Variants in PHAX observed in about 807,000 individuals in gnomAD.
The protein encoded by PHAX is phosphorylated adaptor for RNA export.
Under a neutral mutation model 41.6 loss-of-function variants are expected in PHAX, and 31 were observed. That is an observed-to-expected ratio of 0.75 (90% CI 0.56 to 1.01). The LOEUF (loss-of-function observed/expected upper bound fraction) is 1.01. Ranked by LOEUF, PHAX falls within the 50% of genes least tolerant of loss-of-function variation. The pLI is 0.00. For synonymous variants in PHAX, 175 were observed against 164.9 expected (o/e 1.06, Z -0.47); for missense variants, 453 against 472.9 (o/e 0.96, Z 0.39).
At position 126,625,951 on chromosome 5, in the gene PHAX, T is replaced by A. The variant is rs1235991884; in HGVS notation, c.*1107T>A. On this transcript the variant is annotated 3_prime_UTR_variant, in exon 5 of 5. Transcript: ENST00000297540. The stretch of plus-strand genomic sequence containing the variant: ...GCCTAATGATCTGCCCACCTCTGCC[T>A]CCCAAAGTGCTGGGATCACAGGCAT... The A allele has an allele frequency of 1.3e-5, 2 of 152,186 alleles. No homozygotes were observed. The highest frequency in any genetic ancestry group is 2.9e-5 in the Non-Finnish European group (2 of 68,060). 9.4% of individuals were successfully genotyped at this position (152,186 alleles called of 1,614,324 possible). A position where few individuals can be genotyped will look rare whatever the true frequency, so the allele number is the denominator to read the frequency against.
At chr5:126,614,788 G>A (rs902576997) in intron 3 of PHAX, among the ~76,000 whole-genome samples, 4 of 151,820 alleles carry the variant, frequency 2.6e-5, no homozygotes, top group East Asian at 1.9e-4. Flanking sequence ...ATGGAGTCTC[G>A]CTCTGTCACC....
At position 126,603,943 on chromosome 5, in the gene PHAX, C is replaced by T. The variant is rs770584349; in HGVS notation, c.470C>T (p.Ala157Val). 5 of 1,613,722 alleles carry T rather than the reference C, an allele frequency of 3.1e-6. No individual in the cohort carries two copies. The African/African-American group carries it at 5.3e-5, about 17-fold the overall frequency. ...TCCGAGACCTACAATTATTTGCTTG[C>T]CAAGAAACTTAGGAAGGAATCTCAA... Reference protein sequence around the residue: ...RQSETYNYLLAKKLRKESQEH... With the variant: ...RQSETYNYLLVKKLRKESQEH... The change falls in exon 2 of 5, where the codon GCC (alanine) becomes GTC (valine). Residue 157 changes from alanine (A) to valine (V), a missense_variant. Physicochemically the swap from Ala to Val is moderately conservative, Grantham distance 64 (BLOSUM62 0). Coordinates refer to ENST00000297540, the MANE Select transcript of PHAX (RefSeq NM_032177.4).
At chr5:126,601,166 C>G (rs1751891789) in intron 1 of PHAX, 108 bp downstream of exon 1, 1 of 763,906 alleles carries the variant, frequency 1.3e-6, no homozygotes, top group Admixed American at 2.8e-5. Flanking sequence ...GGAGCCCGGG[C>G]CAGAGCGAGG....
At chr5:126,618,627 T>A (rs1332170514) in intron 4 of PHAX, among the ~76,000 whole-genome samples, 2 of 150,590 alleles carry the variant, frequency 1.3e-5, no homozygotes, top group African/African-American at 2.4e-5. Context: ...TTAATTAAAT[T>A]TTTTTTTTTA....
Position 126,612,650 on chromosome 5 carries a change from G to A in PHAX, c.831+4166G>A, listed in dbSNP as rs1581419416. Among the ~76,000 whole-genome samples the A allele has an allele frequency of 2.6e-5, 4 of 152,058 alleles. No individual in the cohort carries two copies. In the East Asian group the frequency reaches 7.7e-4, roughly 29 times the overall value. The stretch of plus-strand genomic sequence containing the variant: ...CGGGAGGTGGAGGTTGCCATGAGCC[G>A]GGATTGCGCCATTGGACTCCAGCCT... On this transcript the variant is annotated intron_variant, in intron 3 of 4. Transcript: ENST00000297540.
rs34180949 is a variant in PHAX at position 126,621,389 on chromosome 5, T to G, written c.916-3186T>G. 4.9e-3 allele frequency among the ~76,000 whole-genome samples: 750 copies of G among 152,106 alleles called. 5 individuals carry two copies. The highest frequency in any genetic ancestry group is 0.017 in the African/African-American group (706 of 41,488). ...AATATTTTGTAGAGACAGGGTCTTA[T>G]ATTGCCCAGTCTAGTCTCAAACTCC... On this transcript the variant is annotated intron_variant, in intron 4 of 4. Coordinates refer to ENST00000297540, the MANE Select transcript of PHAX (RefSeq NM_032177.4).
intron 1 of PHAX, among the ~76,000 whole-genome samples, chr5:126,601,490 G>A (rs1192424149): frequency 6.6e-6 from 1 of 152,192 alleles, no homozygotes; most frequent in African/African-American, 2.4e-5. Flanking sequence ...CAAATATGTA[G>A]CATCTAGGGA....
intron 4 of PHAX, among the ~76,000 whole-genome samples, chr5:126,623,494 A>C (rs1057473618): frequency 6.6e-6 from 1 of 152,188 alleles, no homozygotes; most frequent in African/African-American, 2.4e-5. Flanking sequence ...AAAAGTACTC[A>C]CTTGATAACT....
chr5:126,603,894 G>A lies in PHAX; in HGVS notation c.421G>A (p.Gly141Ser). The change falls in exon 2 of 5, where the codon GGC becomes AGC. Residue 141 changes from glycine to serine, a missense_variant. Coordinates refer to ENST00000297540, the MANE Select transcript of PHAX (RefSeq NM_032177.4). ...TGAACTTGGTATCTTGGGAATGGAG[G>A]GCACTATTGACAGAAGCAGACAATC... ...ATELGILGME[G>S]TIDRSRQSET... 3 of 1,613,916 alleles carry A rather than the reference G, an allele frequency of 1.9e-6. No homozygotes were observed. The highest frequency in any genetic ancestry group is 2.5e-6 in the Non-Finnish European group (3 of 1,179,978).
rs772458637 is a variant in PHAX at position 126,604,073 on chromosome 5, A to G, written c.600A>G (p.Lys200=). The G allele has an allele frequency of 5.0e-6, 8 of 1,613,798 alleles. No homozygotes were observed. The Admixed American group carries it at 1.2e-4, about 24-fold the overall frequency. The change falls in exon 2 of 5, where the codon AAA becomes AAG. Residue 200 remains lysine, a synonymous_variant. Transcript: ENST00000297540. ...ATGGGCAAGGTCATCTCAAAAGGAA[A>G]CGACCTGTCAAAGACAGGCTAGGGA... ...EENGQGHLKR[K]RPVKDRLGNR...
chr5:126,624,688 T>C lies in PHAX; in HGVS notation c.1029T>C (p.Phe343=), dbSNP rs747784165. The part of the protein sequence containing the change: ...KMKQAIKSLN[F]QEDDDTSRET... ...AACAAGCTATTAAAAGTCTAAATTT[T>C]CAAGAAGATGATGATACATCACGAG... is the stretch of plus-strand genomic sequence containing the variant. Residue 343 remains phenylalanine (F), a synonymous_variant, in exon 5 of 5, where the codon TTT becomes TTC. Coordinates refer to ENST00000297540, the MANE Select transcript of PHAX (RefSeq NM_032177.4). The C allele has an allele frequency of 6.2e-7, 1 of 1,614,142 alleles. No individual in the cohort carries two copies. Among genetic ancestry groups the C allele is most frequent in the South Asian group, 1.1e-5 (1 of 91,076 alleles).
intron 2 of PHAX, among the ~76,000 whole-genome samples, chr5:126,604,586 T>C (rs1751961244): frequency 6.6e-6 from 1 of 151,668 alleles, no homozygotes. Flanking sequence ...TATTTATTTA[T>C]TTGAGAAAGG....
chr5:126,621,913 C>T (rs369697493), intron 4 of PHAX, among the ~76,000 whole-genome samples: 10 of 152,234 alleles, frequency 6.6e-5, no homozygotes, highest in African/African-American at 2.4e-4. Context: ...CCACTTTGTT[C>T]TATTAAATTC....
At position 126,625,024 on chromosome 5, in the gene PHAX, C is replaced by G. The variant is rs781035517; in HGVS notation, c.*180C>G. 10 of 591,870 alleles carry G rather than the reference C, an allele frequency of 1.7e-5. No individual in the cohort carries two copies. In the Admixed American group the frequency reaches 2.5e-4, roughly 15 times the overall value. The allele number at this position is 591,870 out of a possible 1,614,324, so 36.7% of individuals were successfully genotyped here. A position where few individuals can be genotyped will look rare whatever the true frequency, so the allele number is the denominator to read the frequency against. On this transcript the variant is annotated 3_prime_UTR_variant, in exon 5 of 5. Coordinates refer to ENST00000297540, the MANE Select transcript of PHAX (RefSeq NM_032177.4). Reference sequence around the variant, plus strand: ...ATTGATAGAACATTTAAAGATATATCTGACAAAATACTTAAGAGTATATAG... The same window carrying G: ...ATTGATAGAACATTTAAAGATATATGTGACAAAATACTTAAGAGTATATAG...
At chr5:126,602,445 T>C (rs984417499) in intron 1 of PHAX, among the ~76,000 whole-genome samples, 1 of 152,252 alleles carries the variant, frequency 6.6e-6, no homozygotes, top group African/African-American at 2.4e-5. Flanking sequence ...ATAGGGTTAT[T>C]GCAAGGATTC....
rs373302190 is a variant in PHAX at position 126,617,338 on chromosome 5, T to C, written c.915+5T>C. The C allele has an allele frequency of 1.7e-4, 259 of 1,567,234 alleles. 1 individual carries two copies. The African/African-American group carries it at 3.1e-3, about 19-fold the overall frequency. The stretch of plus-strand genomic sequence containing the variant: ...ATCAGCGAGGAACAAATTAAGGTAA[T>C]GATAATGTCCTCACCTCTTAAGCGC... On this transcript the variant is annotated splice_donor_5th_base_variant and intron_variant, in intron 4 of 4. Coordinates refer to ENST00000297540, the MANE Select transcript of PHAX (RefSeq NM_032177.4).
chr5:126,612,094 T>C (rs1240274992), intron 3 of PHAX, among the ~76,000 whole-genome samples: 3 of 152,018 alleles, frequency 2.0e-5, no homozygotes, highest in Non-Finnish European at 2.9e-5. Context: ...AACTCAATAA[T>C]CAAAATAAAT....
Position 126,603,685 on chromosome 5 carries a change from C to T in PHAX, c.212C>T (p.Ser71Phe), listed in dbSNP as rs142954868. The stretch of plus-strand genomic sequence containing the variant: ...GTGGATTCAAGTGAAGAAAGTTTTT[C>T]TGATTCAGATGATGATAGCTGTCTT... ...ESVDSSEESFSDSDDDSCLWK... is the reference protein window; with the variant it reads ...ESVDSSEESFFDSDDDSCLWK... Residue 71 changes from serine to phenylalanine, a missense_variant, in exon 2 of 5, where the codon TCT (serine) becomes TTT (phenylalanine). Ser to Phe is a radical substitution (Grantham distance 155). Transcript: ENST00000297540. 1.9e-6 allele frequency: 3 copies of T among 1,614,196 alleles called. No homozygotes were observed. The highest frequency in any genetic ancestry group is 2.5e-6 in the Non-Finnish European group (3 of 1,180,036).
intron 4 of PHAX, among the ~76,000 whole-genome samples, chr5:126,623,598 ACTTTT>A (rs1752304027): frequency 6.6e-6 from 1 of 151,954 alleles, no homozygotes; most frequent in African/African-American, 2.4e-5. Flanking sequence ...TTTAGCAAAT[ACTTTT>A]CTTATTTCTC....
Sources: allele counts gnomAD v4.1 joint callset (sites outside exome capture counted in the v4.1 genomes callset), GRCh38; gene constraint gnomAD v4.1.1; transcripts MANE v1.5; gene names NCBI Gene and HGNC (gene_info 2026-07-23, HGNC 2026-07-21).